The following HPSE variants were observed in gnomAD, a reference collection of about 807,000 sequenced individuals.
The protein encoded by HPSE is endo-glucoronidase.
In HPSE, 48 loss-of-function variants were observed where a neutral mutation model predicts 65.1. The ratio of observed to expected loss-of-function variants is 0.74; its 90% CI spans 0.58 to 0.94. The LOEUF is 0.94. Ranked by LOEUF, HPSE falls within the 40% of genes least tolerant of loss-of-function variation. The pLI is 0.00. For synonymous variants in HPSE, 243 were observed against 260.0 expected, an observed-to-expected ratio of 0.93 and a Z score of 0.63; for missense variants, 644 against 637.5, an observed-to-expected ratio of 1.01 and a Z score of -0.11.
intron 8 of HPSE, among the ~76,000 whole-genome samples, chr4:83,307,977 A>G (rs1736207304): frequency 6.6e-6 from 1 of 152,218 alleles, no homozygotes; most frequent in Non-Finnish European, 1.5e-5. Context: ...AAATTTAATG[A>G]TAGCCCCTCT....
chr4:83,297,139 G>A (rs1197666206), intron 11 of HPSE, among the ~76,000 whole-genome samples: 7 of 152,146 alleles, frequency 4.6e-5, no homozygotes, highest in African/African-American at 1.7e-4. Context: ...TTAAGTATTT[G>A]TATATTCGCT....
intron 3 of HPSE, among the ~76,000 whole-genome samples, chr4:83,315,964 C>T (rs1736615874): frequency 6.6e-6 from 1 of 152,160 alleles, no homozygotes; most frequent in South Asian, 2.1e-4. Context: ...ACATAATCAA[C>T]TGTAACATCT....
intron 3 of HPSE, among the ~76,000 whole-genome samples, chr4:83,316,804 G>A (rs1736663055): frequency 6.6e-6 from 1 of 152,352 alleles, no homozygotes; most frequent in Middle Eastern, 3.4e-3. Context: ...TTCTACTTAA[G>A]TGGAACGCAC....
intron 3 of HPSE, among the ~76,000 whole-genome samples, chr4:83,314,904 C>G (rs1413885139): frequency 6.6e-6 from 1 of 152,014 alleles, no homozygotes; most frequent in African/African-American, 2.4e-5. Context: ...GCCTGTAATC[C>G]CAGCACTTTG....
In HPSE at chr4:83,312,260, T is replaced by C. The variant is rs115504810; in HGVS notation, c.673+854A>G. 9.4e-3 allele frequency among the ~76,000 whole-genome samples: 1,433 copies of C among 152,328 alleles called. 24 individuals are homozygous for C. Among genetic ancestry groups the C allele is most frequent in the African/African-American group, 0.033 (1,372 of 41,580 alleles). On this transcript the variant is annotated intron_variant, in intron 4 of 11. Transcript: ENST00000311412. ...TTCTCACTTCAAATGTAACATAAAC[T>C]GGGATTAGCAATAATAGGTTCTGGA... is the stretch of plus-strand genomic sequence containing the variant.
intron 11 of HPSE, among the ~76,000 whole-genome samples, chr4:83,299,930 T>C (rs551543219): frequency 4.9e-4 from 74 of 152,254 alleles, no homozygotes; most frequent in Non-Finnish European, 8.4e-4. Context: ...CTCAAACTCC[T>C]GGGCTGAAGT....
At chr4:83,315,258 A>G (rs7691532) in intron 3 of HPSE, among the ~76,000 whole-genome samples, 121,172 of 152,104 alleles carry the variant, frequency 0.8, 48,431 homozygotes, top group East Asian at 0.87. Flanking sequence ...TTGCTGTGTC[A>G]CCCACTTCCA....
intron 3 of HPSE, among the ~76,000 whole-genome samples, chr4:83,317,838 T>C (rs890138946): frequency 5.3e-5 from 8 of 152,246 alleles, no homozygotes; most frequent in African/African-American, 1.9e-4. Flanking sequence ...GCCTTACTTC[T>C]GTGGTTCTCT....
At chr4:83,322,959 C>T (rs553296313) in intron 1 of HPSE, among the ~76,000 whole-genome samples, 1 of 151,974 alleles carries the variant, frequency 6.6e-6, no homozygotes, top group Admixed American at 6.6e-5. Context: ...AGCCACTGTA[C>T]CCAGCCAGGA....
At chr4:83,334,921 G>A (rs930632198), upstream of HPSE, 34 of 1,332,076 alleles carry the variant, frequency 2.6e-5, no homozygotes, top group African/African-American at 4.5e-4. Context: ...CTCCCACTGC[G>A]CCCTCCATCC....
rs774507360 is a variant in HPSE, at chr4:83,308,876, AG to A, written c.1059del (p.Leu354CysfsTer24). ...ETSSAYGGGA[P>X]LLSDTFAAGF... ...CCAGCTGCAAAGGTGTCGGATAGCAAGGGCGCTCCGCCTCCATATGCAGAGC... is the reference window on the plus strand; with the variant it reads ...CCAGCTGCAAAGGTGTCGGATAGCAAGGCGCTCCGCCTCCATATGCAGAGC... On this transcript the variant is annotated frameshift_variant, in exon 8 of 12. Transcript: ENST00000311412. LOFTEE classifies it high-confidence loss of function. The A allele has an allele frequency of 6.2e-7, 1 of 1,614,100 alleles. No homozygotes were observed. The highest frequency in any genetic ancestry group is 8.5e-7 in the Non-Finnish European group (1 of 1,179,982).
chr4:83,323,495 T>A (rs947757261), intron 1 of HPSE, among the ~76,000 whole-genome samples: 1 of 77,278 alleles, frequency 1.3e-5, no homozygotes, highest in Non-Finnish European at 2.6e-5. Context: ...AAAAATAAAG[T>A]CTATTTAAAA....
chr4:83,328,720 A>ACG (rs58161914), intron 1 of HPSE, among the ~76,000 whole-genome samples: 4,356 of 152,032 alleles, frequency 0.029, 214 homozygotes, highest in African/African-American at 0.099. Flanking sequence ...CTGCAGAGGC[A>ACG]TGTGCGAGGA....
intron 2 of HPSE, among the ~76,000 whole-genome samples, chr4:83,320,128 A>G (rs889585873): frequency 2.6e-5 from 4 of 151,620 alleles, no homozygotes; most frequent in South Asian, 2.1e-4. Flanking sequence ...ATCCATAGCA[A>G]TTTGTTTTAC....
intron 8 of HPSE, among the ~76,000 whole-genome samples, chr4:83,307,446 A>C (rs1159683617): frequency 2.0e-5 from 3 of 152,162 alleles, no homozygotes; most frequent in Non-Finnish European, 4.4e-5. Flanking sequence ...CTCCCTTTAC[A>C]TCTTTCCATA....
At chr4:83,319,267 C>A in intron 3 of HPSE, 77 bp downstream of exon 3, 1 of 1,427,492 alleles carries the variant, frequency 7.0e-7, no homozygotes, top group Non-Finnish European at 9.8e-7. Flanking sequence ...GTAGGACTTG[C>A]TAGATTGGTG....
intron 1 of HPSE, among the ~76,000 whole-genome samples, chr4:83,324,359 A>T (rs1340863733): frequency 6.6e-6 from 1 of 152,138 alleles, no homozygotes; most frequent in Admixed American, 6.6e-5. Flanking sequence ...AGATGTGCTC[A>T]TGCTTAATTA....
rs143869427 is a variant in HPSE, at chr4:83,299,626, A to G, written c.1472+1334T>C. On this transcript the variant is annotated intron_variant, in intron 11 of 11. Coordinates refer to ENST00000311412, the MANE Select transcript of HPSE (RefSeq NM_001098540.3). ...TGTACTGCCTCAGGTTCCGAGGCTA[A>G]TAGTCCTGGAACACATCACTTATGT... Among the ~76,000 whole-genome samples the G allele has an allele frequency of 1.1e-3, 161 of 152,262 alleles. 3 individuals carry two copies. In the Middle Eastern group the frequency reaches 0.024, roughly 23 times the overall value.
intron 10 of HPSE, 90 bp downstream of exon 10, chr4:83,302,060 G>A: frequency 1.3e-6 from 1 of 770,934 alleles, no homozygotes; most frequent in Admixed American, 2.0e-5. Flanking sequence ...CTTATGCAAT[G>A]TATAGACACA....
Sources: allele counts gnomAD v4.1 joint callset (sites outside exome capture counted in the v4.1 genomes callset), GRCh38; gene constraint gnomAD v4.1.1; transcripts MANE v1.5; gene names NCBI Gene and HGNC (gene_info 2026-07-23, HGNC 2026-07-21).